The following TMC4 variants were observed in gnomAD, a reference collection of about 807,000 sequenced individuals.
TMC4 encodes the protein voltage-gated chloride channel TMC4.
Under a neutral mutation model 82.0 loss-of-function variants are expected in TMC4, and 70 were observed. That is an observed-to-expected ratio of 0.85 (90% CI 0.70 to 1.04). TMC4 has a LOEUF of 1.04. TMC4 is among the 50% of genes least tolerant of loss of function. The probability of loss-of-function intolerance (pLI) is 0.00; values close to 1 mark genes in which losing one functional copy is unlikely to be tolerated. For synonymous variants in TMC4, 446 were observed against 406.0 expected, an observed-to-expected ratio of 1.10 and a Z score of -1.18; for missense variants, 879 against 899.0, an observed-to-expected ratio of 0.98 and a Z score of 0.28.
chr19:54,168,783 CT>C (rs1187445247), intron 3 of TMC4, 103 bp from the exon 4 acceptor site: 3 of 327,156 alleles, frequency 9.2e-6, no homozygotes, highest in Admixed American at 7.3e-5. Context: ...TTCTTTCTTT[CT>C]TTTCTTTTCT....
chr19:54,163,768 C>T lies in TMC4; in HGVS notation c.1233G>A (p.Leu411=), dbSNP rs2075628570. ...TCTGGCGACTCCGAGTGTAGCCCTC[C>T]AGTGGAGCAATGAGCTTGAACACGG... ...LPPVFKLIAP[L]EGYTRSRQIV... Residue 411 remains leucine (L), a synonymous_variant, in exon 8 of 15, where the codon CTG becomes CTA. Transcript: ENST00000619895. 1 of 1,614,080 alleles carries T rather than the reference C, an allele frequency of 6.2e-7. No individual in the cohort carries two copies. The highest frequency in any genetic ancestry group is 1.6e-4 in the Middle Eastern group (1 of 6,062).
At chr19:54,162,354 C>T (rs918192278) in intron 10 of TMC4, 69 bp from the exon 11 acceptor site, 1 of 1,215,482 alleles carries the variant, frequency 8.2e-7, no homozygotes. Flanking sequence ...GCCTCCACCG[C>T]CCCGCCCGCC....
Position 54,160,111 on chromosome 19 carries a change from G to C in TMC4, c.*195C>G. Reference sequence around the variant, plus strand: ...GGACGCAGATTTCAAAGCGCGCTCAGCAACCTCGGCTGTATTTATTGATAC... The same window carrying C: ...GGACGCAGATTTCAAAGCGCGCTCACCAACCTCGGCTGTATTTATTGATAC... On this transcript the variant is annotated 3_prime_UTR_variant, in exon 15 of 15. Coordinates refer to ENST00000619895, the MANE Select transcript of TMC4 (RefSeq NM_144686.4). The C allele has an allele frequency of 3.5e-6, 2 of 572,202 alleles. No individual in the cohort carries two copies. Among genetic ancestry groups the C allele is most frequent in the South Asian group, 8.0e-5 (2 of 24,970 alleles). 35.4% of individuals were successfully genotyped at this position (572,202 alleles called of 1,614,324 possible). A position where few individuals can be genotyped will look rare whatever the true frequency, so the allele number is the denominator to read the frequency against.
chr19:54,171,752 CAGAG>C, intron 2 of TMC4, 114 bp downstream of exon 2: 1 of 900,652 alleles, frequency 1.1e-6, no homozygotes, highest in East Asian at 2.9e-5. Flanking sequence ...CTGAGCGGGG[CAGAG>C]AGAGGCCCCA....
chr19:54,162,073 C>T (rs1259786183), intron 11 of TMC4, 29 bp downstream of exon 11: 2 of 1,578,980 alleles, frequency 1.3e-6, no homozygotes, highest in Non-Finnish European at 1.7e-6. Context: ...CCTCCTGCCT[C>T]AGACCCAAGG....
chr19:54,173,011 G>C (rs1005509832), intron 1 of TMC4, 28 bp downstream of exon 1: 1 of 1,602,116 alleles, frequency 6.2e-7, no homozygotes, highest in Non-Finnish European at 8.5e-7. Context: ...AGGTCGGATG[G>C]ATCTGAGCTT....
At chr19:54,163,327 T>C in intron 8 of TMC4, 168 bp from the exon 9 acceptor site, 2 of 630,682 alleles carry the variant, frequency 3.2e-6, no homozygotes, top group Non-Finnish European at 2.5e-6. Context: ...TTTTTTTTTT[T>C]TGAGACAGGG....
chr19:54,162,142 AGCAGGG>A lies in TMC4; in HGVS notation c.1640_1645del (p.Pro547_Leu548del). On this transcript the variant is annotated inframe_deletion, in exon 11 of 15. Coordinates refer to ENST00000619895, the MANE Select transcript of TMC4 (RefSeq NM_144686.4). ...AAGCAGCAGGAACTTGACCGTGTTA[AGCAGGG>A]GCAGTAAAGGGCAGAAAAAACTCCC... 1 of 1,613,776 alleles carries A rather than the reference AGCAGGG, an allele frequency of 6.2e-7. No individual in the cohort carries two copies. Among genetic ancestry groups the A allele is most frequent in the Non-Finnish European group, 8.5e-7 (1 of 1,179,856 alleles).
intron 8 of TMC4, 26 bp from the exon 9 acceptor site, chr19:54,163,185 G>A (rs750596479): frequency 2.5e-6 from 4 of 1,613,174 alleles, no homozygotes; most frequent in Non-Finnish European, 3.4e-6. Context: ...CAGAGAATGG[G>A]CCCTGACCCG....
At chr19:54,168,365 G>T in intron 4 of TMC4, 73 bp from the exon 5 acceptor site, 1 of 1,526,688 alleles carries the variant, frequency 6.6e-7, no homozygotes, top group Non-Finnish European at 8.8e-7. Context: ...GTCAGGGTCT[G>T]GGGTCAGGGT....
In TMC4 at chr19:54,160,321, G is replaced by C. The variant is rs934074099; in HGVS notation, c.2106C>G (p.Thr702=). 2.0e-6 allele frequency: 3 copies of C among 1,519,672 alleles called. No homozygotes were observed. Among genetic ancestry groups the C allele is most frequent in the Middle Eastern group, 2.2e-4 (1 of 4,560 alleles). The allele number at this position is 1,519,672 out of a possible 1,614,324, so 94.1% of individuals were successfully genotyped here. ...GCTGCGGGGGTCAAAGAGCCGGTTT[G>C]GTGGAGGTCAGCGCCACAGCGCGCC... ...LARRAVALTS[T]KPAL is the part of the protein sequence containing the mutation. Residue 702 remains threonine, a synonymous_variant, in exon 15 of 15, where the codon ACC becomes ACG. Coordinates refer to ENST00000619895, the MANE Select transcript of TMC4 (RefSeq NM_144686.4).
At chr19:54,165,674 T>G in intron 5 of TMC4, 108 bp from the exon 6 acceptor site, 1 of 1,332,698 alleles carries the variant, frequency 7.5e-7, no homozygotes. Flanking sequence ...CCTAAGGCCT[T>G]GGGTACTAGG....
intron 3 of TMC4, among the ~76,000 whole-genome samples, chr19:54,169,008 ATATTTTTTTT>A (rs1178640011): frequency 0.024 from 86 of 3,610 alleles, 7 homozygotes; most frequent in Non-Finnish European, 0.041. Context: ...ATATATATAT[ATATTTTTTTT>A]TTTTTCTTTT....
Position 54,163,727 on chromosome 19 carries a change from A to T in TMC4, c.1274T>A (p.Leu425His), listed in dbSNP as rs1208451050. 1 of 1,613,964 alleles carries T rather than the reference A, an allele frequency of 6.2e-7. No individual in the cohort carries two copies. The highest frequency in any genetic ancestry group is 2.2e-5 in the East Asian group (1 of 44,868). Residue 425 changes from leucine to histidine, a missense_variant, in exon 8 of 15, where the codon CTC (leucine) becomes CAC (histidine). Transcript: ENST00000619895. ...TRSRQIVFIL[L>H]RTVFLRLASL... ...GCCATCCCCGTGAGGCTGGAACCTG[A>T]GCAGGATAAAAACGATCTGGCGACT...
At chr19:54,160,737 C>A in intron 13 of TMC4, 141 bp downstream of exon 13, 1 of 1,396,892 alleles carries the variant, frequency 7.2e-7, no homozygotes, top group Middle Eastern at 2.4e-4. Flanking sequence ...TCGGACCCAG[C>A]AGTCCAGGAG....
At position 54,165,467 on chromosome 19, in the gene TMC4, C is replaced by T. The variant is rs1401423144; in HGVS notation, c.897G>A (p.Gly299=). The change falls in exon 6 of 15, where the codon GGG becomes GGA. Residue 299 remains glycine (G), a synonymous_variant. Coordinates refer to ENST00000619895, the MANE Select transcript of TMC4 (RefSeq NM_144686.4). ...VFSAWDFGLC[G]DVHVRLRQRI... ...GCTGGCGCAGCCGCACGTGGACGTCCCCGCAGAGACCGAAGTCCCAGGCCG... is the reference window on the plus strand; with the variant it reads ...GCTGGCGCAGCCGCACGTGGACGTCTCCGCAGAGACCGAAGTCCCAGGCCG... 1 of 1,612,968 alleles carries T rather than the reference C, an allele frequency of 6.2e-7. No individual in the cohort carries two copies. The highest frequency in any genetic ancestry group is 8.5e-7 in the Non-Finnish European group (1 of 1,179,522).
intron 5 of TMC4, among the ~76,000 whole-genome samples, chr19:54,166,695 T>A (rs1396390563): frequency 6.6e-6 from 1 of 152,216 alleles, no homozygotes; most frequent in Non-Finnish European, 1.5e-5. Flanking sequence ...GGCTCACGCC[T>A]GTAATCCCAG....
Position 54,169,637 on chromosome 19 carries a change from T to TG in TMC4, c.316dup (p.Gln106ProfsTer9). 2.5e-6 allele frequency: 4 copies of TG among 1,613,902 alleles called. No homozygotes were observed. The highest frequency in any genetic ancestry group is 3.4e-6 in the Non-Finnish European group (4 of 1,179,974). ...CTTAGTTCCAGAGCCATAGACCACC[T>TG]GGTCCCTGCTGGCATTTCTTTGCCT... On this transcript the variant is annotated frameshift_variant, in exon 3 of 15. Transcript: ENST00000619895. LOFTEE classifies it high-confidence loss of function.
At chr19:54,164,052 G>A (rs963201866) in intron 7 of TMC4, among the ~76,000 whole-genome samples, 165 bp from the exon 8 acceptor site, 4 of 148,584 alleles carry the variant, frequency 2.7e-5, no homozygotes, top group African/African-American at 1.0e-4. Context: ...TCGGCTCGCT[G>A]CAACCTCTGC....
Sources: gnomAD v4.1 joint callset for allele counts (sites outside exome capture counted in the v4.1 genomes callset) on GRCh38, gnomAD v4.1.1 for gene constraint, MANE v1.5 for transcripts, NCBI Gene and HGNC (gene_info 2026-07-23, HGNC 2026-07-21) for gene names.